REV1: variants seen among roughly 807,000 people sequenced by gnomAD.
The protein encoded by REV1 is translesion synthesis protein REV1.
In REV1, 42 loss-of-function variants were observed where a neutral mutation model predicts 137.4. That is an observed-to-expected ratio of 0.31 (90% CI 0.24 to 0.40). The LOEUF (loss-of-function observed/expected upper bound fraction) is 0.40, where lower values mean the gene tolerates loss of function less well. Ranked by LOEUF, REV1 falls within the 10% of genes least tolerant of loss-of-function variation. The pLI, the probability that REV1 is intolerant of heterozygous loss-of-function variation, is 1.00. For synonymous variants in REV1, 524 were observed against 519.2 expected, an observed-to-expected ratio of 1.01 and a Z score of -0.12; for missense variants, 1,282 against 1,490.1, an observed-to-expected ratio of 0.86 and a Z score of 2.30.
chr2:99,421,598 C>G lies in REV1; in HGVS notation c.1732G>C (p.Glu578Gln). 1 of 1,614,066 alleles carries G rather than the reference C, an allele frequency of 6.2e-7. No homozygotes were observed. The highest frequency in any genetic ancestry group is 8.5e-7 in the Non-Finnish European group (1 of 1,179,994). Residue 578 changes from glutamate (E) to glutamine (Q), a missense_variant, in exon 11 of 23, where the codon GAA becomes CAA. Glu to Gln is a conservative substitution (Grantham distance 29, BLOSUM62 2). Coordinates refer to ENST00000258428, the MANE Select transcript of REV1 (RefSeq NM_016316.4). Reference protein sequence around the residue: ...SCDEALVDITEILAETKLTPD... With the variant: ...SCDEALVDITQILAETKLTPD... ...GTAAGTTTGGTCTCTGCAAGGATTT[C>G]GGTAATGTCTACCAGCGCTTCATCA...
At chr2:99,489,147 G>C (rs1687409190) in intron 1 of REV1, among the ~76,000 whole-genome samples, 1 of 152,176 alleles carries the variant, frequency 6.6e-6, no homozygotes, top group African/African-American at 2.4e-5. Context: ...GTGGGCAAGG[G>C]GCTCTCGGAA....
intron 3 of REV1, among the ~76,000 whole-genome samples, chr2:99,457,482 G>T (rs1683656068): frequency 6.6e-6 from 1 of 152,144 alleles, no homozygotes; most frequent in South Asian, 2.1e-4. Context: ...AGGAGTTCGA[G>T]ACCAGCCTGG....
At chr2:99,477,126 T>C (rs1209356590) in intron 1 of REV1, among the ~76,000 whole-genome samples, 1 of 152,126 alleles carries the variant, frequency 6.6e-6, no homozygotes, top group Non-Finnish European at 1.5e-5. Flanking sequence ...CCAGTATTCA[T>C]TCTTCTTTCT....
At chr2:99,424,677 GC>G in intron 9 of REV1, 1 of 1,090,640 alleles carries the variant, frequency 9.2e-7, no homozygotes, top group Non-Finnish European at 1.2e-6. Context: ...GCACAGTTTG[GC>G]CAGGGTTCAT....
chr2:99,449,409 T>C lies in REV1; in HGVS notation c.277A>G (p.Thr93Ala). Residue 93 changes from threonine to alanine, a missense_variant, in exon 4 of 23, where the codon ACA becomes GCA. Physicochemically the swap from Thr to Ala is moderately conservative, Grantham distance 58. This residue lies in a region of REV1 where 107 missense variants were observed against 164.3 expected (regional missense o/e 0.65). Transcript: ENST00000258428. ...TTAATTTTGGCATTGGGAAGATTTG[T>C]GGCAATAATATGTGTTGTTTTAGAT... ...SRSKTTHIIA[T>A]NLPNAKIKEL... is the part of the protein sequence containing the mutation. 1 of 1,575,222 alleles carries C rather than the reference T, an allele frequency of 6.3e-7. No homozygotes were observed. The highest frequency in any genetic ancestry group is 1.2e-5 in the South Asian group (1 of 82,970).
chr2:99,405,123 A>G (rs1676092124), intron 17 of REV1: 1 of 174,902 alleles, frequency 5.7e-6, no homozygotes, highest in African/African-American at 2.4e-5. Flanking sequence ...CAAAAATACA[A>G]ATAATTCTAC....
intron 1 of REV1, among the ~76,000 whole-genome samples, chr2:99,473,424 T>G (rs1685636479): frequency 6.6e-6 from 1 of 150,786 alleles, no homozygotes; most frequent in Admixed American, 6.6e-5. Flanking sequence ...GACACCTAGG[T>G]GAAGGGCACA....
At chr2:99,467,694 TAGAC>T (rs1300645137) in intron 1 of REV1, among the ~76,000 whole-genome samples, 1 of 152,200 alleles carries the variant, frequency 6.6e-6, no homozygotes, top group Non-Finnish European at 1.5e-5. Flanking sequence ...AAATTGGAAG[TAGAC>T]AGACCAAACT....
intron 1 of REV1, among the ~76,000 whole-genome samples, chr2:99,478,877 T>C (rs1686268047): frequency 6.6e-6 from 1 of 152,072 alleles, no homozygotes; most frequent in African/African-American, 2.4e-5. Context: ...TGCCTGTACC[T>C]AAAAATGTAT....
chr2:99,405,598 T>C (rs1676173110), intron 17 of REV1: 1 of 212,078 alleles, frequency 4.7e-6, no homozygotes, highest in Non-Finnish European at 9.3e-6. Context: ...TCACCAAAGC[T>C]GCCTTGCTGA....
upstream of REV1, chr2:99,490,106 G>A (rs1248127507): frequency 1.0e-4 from 4 of 38,546 alleles, no homozygotes; most frequent in African/African-American, 4.5e-4. Context: ...CGCGCTCACA[G>A]CCGCGCGGCG....
chr2:99,461,177 G>A (rs1180827105), intron 3 of REV1, among the ~76,000 whole-genome samples: 2 of 152,098 alleles, frequency 1.3e-5, no homozygotes. Flanking sequence ...TGACATTCTT[G>A]GACTAAATTC....
rs752811165 is a variant in REV1 at position 99,418,856 on chromosome 2, G to A, written c.1923C>T (p.Ile641=). The change falls in exon 12 of 23, where the codon ATC becomes ATT. Residue 641 remains isoleucine (I), a synonymous_variant. Transcript: ENST00000258428. ...GTAGATTGGTCACTAGCTGGCCTCT[G>A]ATAAAATCATCTACTTCTTCTGGTT... is the stretch of plus-strand genomic sequence containing the variant. ...HLKPEEVDDF[I]RGQLVTNLPG... 17 of 1,612,608 alleles carry A rather than the reference G, an allele frequency of 1.1e-5. No individual in the cohort carries two copies. The highest frequency in any genetic ancestry group is 1.7e-4 in the Middle Eastern group (1 of 6,056).
chr2:99,406,008 T>C lies in REV1; in HGVS notation c.2713A>G (p.Asn905Asp), dbSNP rs1051280434. 6.2e-7 allele frequency: 1 copy of C among 1,613,968 alleles called. No homozygotes were observed. The highest frequency in any genetic ancestry group is 1.3e-5 in the African/African-American group (1 of 74,906). Residue 905 changes from asparagine (N) to aspartate (D), a missense_variant, in exon 17 of 23, where the codon AAC becomes GAC. Asn to Asp is a conservative substitution (Grantham distance 23). Transcript: ENST00000258428. ...CATTTCCCTGAAGACTCAGCCTTGT[T>C]AGTATCAGGACTGGTCGGCAGATGT... ...PAHLPTSPDT[N>D]KAESSGKWNG...
intron 1 of REV1, among the ~76,000 whole-genome samples, chr2:99,488,865 G>A (rs1379007375): frequency 6.6e-6 from 1 of 152,212 alleles, no homozygotes; most frequent in Non-Finnish European, 1.5e-5. Context: ...GTTACATAAA[G>A]TCCTTAATAG....
intron 3 of REV1, among the ~76,000 whole-genome samples, chr2:99,457,079 T>C (rs1395346790): frequency 6.6e-6 from 1 of 152,158 alleles, no homozygotes; most frequent in Non-Finnish European, 1.5e-5. Context: ...CCAAAGGCAA[T>C]TGTTTCCTCT....
At chr2:99,412,695 A>AGCAACAGATGGCAAAATCTGTTCAAT in intron 13 of REV1, 36 bp downstream of exon 13, 3 of 1,481,552 alleles carry the variant, frequency 2.0e-6, no homozygotes, top group Non-Finnish European at 2.8e-6. Flanking sequence ...AAATATAAAG[A>AGCAACAGATGGCAAAATCTGTTCAAT]GCAACAGATG....
chr2:99,442,573 G>T, intron 4 of REV1, 104 bp from the exon 5 acceptor site: 2 of 1,053,898 alleles, frequency 1.9e-6, no homozygotes, highest in Non-Finnish European at 2.8e-6. Context: ...ACCAACAACA[G>T]GTCATCTGTT....
chr2:99,486,135 A>G (rs1440816375), intron 1 of REV1, among the ~76,000 whole-genome samples: 1 of 152,220 alleles, frequency 6.6e-6, no homozygotes, highest in South Asian at 2.1e-4. Context: ...AAAAAATGTT[A>G]AAAAAGAAAA....
Sources: allele counts gnomAD v4.1 joint callset (sites outside exome capture counted in the v4.1 genomes callset), GRCh38; gene constraint gnomAD v4.1.1; regional missense constraint gnomAD v4.1.1; transcripts MANE v1.5; gene names NCBI Gene and HGNC (gene_info 2026-07-23, HGNC 2026-07-21).